The following SOX5 variants were observed in gnomAD, a reference collection of about 807,000 sequenced individuals.
SOX5 encodes the protein SRY-box transcription factor 5.
Under a neutral mutation model 92.0 loss-of-function variants are expected in SOX5, and 9 were observed. The observed-to-expected ratio is 0.10, with a 90% CI of 0.06 to 0.17. The LOEUF (loss-of-function observed/expected upper bound fraction) is 0.17, where lower values mean the gene tolerates loss of function less well. SOX5 is among the 10% of genes least tolerant of loss of function. The pLI is 1.00. For missense variants in SOX5, 642 were observed against 944.5 expected, an observed-to-expected ratio of 0.68 and a Z score of 4.20; for synonymous variants, 344 against 336.3, an observed-to-expected ratio of 1.02 and a Z score of -0.25.
intron 8 of SOX5, among the ~76,000 whole-genome samples, chr12:23,619,490 CT>C (rs1257178505): frequency 1.3e-5 from 2 of 152,082 alleles, no homozygotes; most frequent in African/African-American, 2.4e-5. Context: ...ATCTTTTTGA[CT>C]TTTTACAGAG....
intron 13 of SOX5, among the ~76,000 whole-genome samples, chr12:23,537,158 G>T (rs1379776130): frequency 6.6e-6 from 1 of 151,874 alleles, no homozygotes; most frequent in East Asian, 1.9e-4. Context: ...TACAGGAATG[G>T]TAGTAATTAA....
At chr12:24,015,078 C>CTT (rs1953436013) in intron 4 of SOX5, among the ~76,000 whole-genome samples, 1 of 152,060 alleles carries the variant, frequency 6.6e-6, no homozygotes, top group Non-Finnish European at 1.5e-5. Flanking sequence ...TTCCCTCTCT[C>CTT]TCTCTTTCTC....
rs9971956 is a variant in SOX5, at chr12:23,633,154, C to T, written c.1017+7658G>A. Among the ~76,000 whole-genome samples, 41 of 152,042 alleles carry T rather than the reference C, an allele frequency of 2.7e-4. No homozygotes were observed. In the South Asian group the frequency reaches 8.5e-3, roughly 32 times the overall value. ...GGTGGCAACCATCTTTTGGCCAAGA[C>T]AAATACAGTATTTATAAAGTGAGAA... On this transcript the variant is annotated intron_variant, in intron 8 of 14. Coordinates refer to ENST00000451604, the MANE Select transcript of SOX5 (RefSeq NM_006940.6).
chr12:24,223,848 G>A lies in SOX5; in HGVS notation c.-76-10431C>T, dbSNP rs1301468572. Among the ~76,000 whole-genome samples, 3 of 152,166 alleles carry A rather than the reference G, an allele frequency of 2.0e-5. No individual in the cohort carries two copies. In the East Asian group the frequency reaches 5.8e-4, roughly 29 times the overall value. ...ATGAGTTTTGCTTCCGTTAGAAAAT[G>A]TCATCACGTTTCAGACTGACTCGAC... On this transcript the variant is annotated intron_variant, in intron 3 of 4. Coordinates refer to the SOX5 transcript ENST00000446891.
chr12:23,680,555 G>A (rs1410643955), intron 6 of SOX5, among the ~76,000 whole-genome samples: 2 of 151,544 alleles, frequency 1.3e-5, no homozygotes, highest in African/African-American at 4.8e-5. Flanking sequence ...AAAATTTTAG[G>A]AGAAAAAAAA....
At chr12:24,508,688 T>C (rs1949029590) in intron 1 of SOX5, among the ~76,000 whole-genome samples, 2 of 152,170 alleles carry the variant, frequency 1.3e-5, no homozygotes, top group South Asian at 2.1e-4. Flanking sequence ...TATCATTATC[T>C]GGCACCTAGC....
chr12:24,438,734 C>T (rs934156246), intron 1 of SOX5, among the ~76,000 whole-genome samples: 1 of 152,124 alleles, frequency 6.6e-6, no homozygotes, highest in African/African-American at 2.4e-5. Flanking sequence ...AGAAGGGGAG[C>T]CTGAAGATGC....
intron 9 of SOX5, among the ~76,000 whole-genome samples, chr12:23,598,759 A>G (rs1952931129): frequency 6.6e-6 from 1 of 151,968 alleles, no homozygotes; most frequent in Non-Finnish European, 1.5e-5. Flanking sequence ...AAAGTTTTAT[A>G]CTTTGTGTTA....
At chr12:24,261,923 G>A (rs1942152513) in intron 3 of SOX5, among the ~76,000 whole-genome samples, 1 of 152,130 alleles carries the variant, frequency 6.6e-6, no homozygotes, top group Non-Finnish European at 1.5e-5. Flanking sequence ...AATTTTAAAA[G>A]CATATCAGAT....
intron 1 of SOX5, among the ~76,000 whole-genome samples, chr12:24,520,999 A>G (rs1430809053): frequency 6.6e-6 from 1 of 152,246 alleles, no homozygotes; most frequent in Non-Finnish European, 1.5e-5. Context: ...CTAAATACAT[A>G]AAGCAAATAT....
intron 4 of SOX5, among the ~76,000 whole-genome samples, chr12:24,048,994 A>G (rs1405178590): frequency 1.3e-5 from 2 of 152,206 alleles, no homozygotes; most frequent in Non-Finnish European, 2.9e-5. Flanking sequence ...TGAATTCTTC[A>G]GTTTATATTT....
rs761150041 is a variant in SOX5 at position 24,143,885 on chromosome 12, A to AAGG, written c.-2+69455_-2+69457dup. Among the ~76,000 whole-genome samples, 13 of 149,942 alleles carry AAGG rather than the reference A, an allele frequency of 8.7e-5. No homozygotes were observed. In the South Asian group the frequency reaches 2.1e-3, roughly 25 times the overall value. The stretch of plus-strand genomic sequence containing the variant: ...AGGAGGAGAAGGAGGAGGAGGAGGA[A>AAGG]AGGAGGAGGAGGAGGAGGAGAAATA... On this transcript the variant is annotated intron_variant, in intron 4 of 4. Transcript: ENST00000446891.
At chr12:23,894,906 G>A (rs2097162316) in intron 2 of SOX5, among the ~76,000 whole-genome samples, 1 of 152,116 alleles carries the variant, frequency 6.6e-6, no homozygotes, top group African/African-American at 2.4e-5. Flanking sequence ...TAGAAAAGGT[G>A]GAGCAGTCAC....
intron 4 of SOX5, among the ~76,000 whole-genome samples, chr12:24,163,390 G>C (rs1425645480): frequency 6.6e-6 from 1 of 152,074 alleles, no homozygotes; most frequent in East Asian, 1.9e-4. Context: ...ATATGATAAT[G>C]ATCTTGGTGC....
chr12:24,192,602 T>G (rs1199498236), intron 4 of SOX5, among the ~76,000 whole-genome samples: 1 of 152,218 alleles, frequency 6.6e-6, no homozygotes, highest in Non-Finnish European at 1.5e-5. Flanking sequence ...ACCAAAATAT[T>G]GCTTTTCAAA....
chr12:24,487,471 C>G (rs1218532866), intron 1 of SOX5, among the ~76,000 whole-genome samples: 1 of 152,110 alleles, frequency 6.6e-6, no homozygotes, highest in Non-Finnish European at 1.5e-5. Flanking sequence ...ACAGGAGAGA[C>G]TGGCTCAACA....
intron 6 of SOX5, among the ~76,000 whole-genome samples, chr12:23,694,644 T>C (rs183090765): frequency 6.6e-6 from 1 of 152,282 alleles, no homozygotes; most frequent in East Asian, 1.9e-4. Flanking sequence ...AATCACAACA[T>C]AGAATAATTC....
At chr12:23,691,398 A>C (rs2088779885) in intron 6 of SOX5, among the ~76,000 whole-genome samples, 1 of 152,226 alleles carries the variant, frequency 6.6e-6, no homozygotes, top group Non-Finnish European at 1.5e-5. Flanking sequence ...AGAATAAATT[A>C]GAAGTTATTC....
At chr12:24,052,310 C>T (rs1306739554) in intron 4 of SOX5, among the ~76,000 whole-genome samples, 2 of 152,166 alleles carry the variant, frequency 1.3e-5, no homozygotes, top group African/African-American at 2.4e-5. Flanking sequence ...CTTCTAACTT[C>T]TCAGGTCACA....
Sources: gnomAD v4.1 joint callset for allele counts (sites outside exome capture counted in the v4.1 genomes callset) on GRCh38, gnomAD v4.1.1 for gene constraint, MANE v1.5 for transcripts, NCBI Gene and HGNC (gene_info 2026-07-23, HGNC 2026-07-21) for gene names.